Variants in CORO2A observed in about 807,000 individuals in gnomAD.
CORO2A encodes coronin-2A.
CORO2A carries 47 observed loss-of-function variants against 62.4 expected under a neutral mutation model. The observed-to-expected ratio is 0.75, with a 90% CI of 0.60 to 0.96. The LOEUF (loss-of-function observed/expected upper bound fraction) is 0.96. Ranked by LOEUF, CORO2A falls within the 40% of genes least tolerant of loss-of-function variation. The pLI is 0.00. For synonymous variants in CORO2A, 273 were observed against 268.9 expected, an observed-to-expected ratio of 1.02 and a Z score of -0.15; for missense variants, 610 against 684.1, an observed-to-expected ratio of 0.89 and a Z score of 1.21.
At chr9:98,150,124 G>C (rs557992183) in intron 2 of CORO2A, among the ~76,000 whole-genome samples, 101 of 152,082 alleles carry the variant, frequency 6.6e-4, no homozygotes, top group African/African-American at 2.2e-3. Context: ...GTAGAGACAG[G>C]GTTTCACCAT....
In CORO2A at chr9:98,133,161, C is replaced by T. The variant is rs735111; in HGVS notation, c.525G>A (p.Thr175=). 0.11 allele frequency: 173,644 copies of T among 1,614,114 alleles called. 10,175 individuals are homozygous for T. The highest frequency in any genetic ancestry group is 0.12 in the Non-Finnish European group (139,996 of 1,179,954). The change falls in exon 5 of 12, where the codon ACG becomes ACA. Residue 175 remains threonine, a synonymous_variant. Transcript: ENST00000375077. ...GGATCACATCTTGGTGACAGCTAATCGTACTCATGGGGCTTGTGATGACAG... is the reference window on the plus strand; with the variant it reads ...GGATCACATCTTGGTGACAGCTAATTGTACTCATGGGGCTTGTGATGACAG... ...KESVITSPMS[T]ISCHQDVILS...
chr9:98,181,822 T>C (rs1001818004), intron 1 of CORO2A, among the ~76,000 whole-genome samples: 1 of 152,116 alleles, frequency 6.6e-6, no homozygotes, highest in Non-Finnish European at 1.5e-5. Flanking sequence ...CCTCACATCA[T>C]GTTTTCATCT....
At chr9:98,140,058 T>A (rs1587996278) in intron 2 of CORO2A, among the ~76,000 whole-genome samples, 2 of 152,150 alleles carry the variant, frequency 1.3e-5, no homozygotes, top group South Asian at 4.2e-4. Flanking sequence ...ATCTGCTCAT[T>A]TTGCACATCA....
At chr9:98,189,360 T>C (rs1045883961) in intron 1 of CORO2A, among the ~76,000 whole-genome samples, 2 of 152,228 alleles carry the variant, frequency 1.3e-5, no homozygotes, top group African/African-American at 4.8e-5. Context: ...AAGATTCTGC[T>C]GAATTATTTT....
chr9:98,157,075 C>T (rs1024484636), intron 2 of CORO2A, among the ~76,000 whole-genome samples: 1 of 152,172 alleles, frequency 6.6e-6, no homozygotes, highest in Non-Finnish European at 1.5e-5. Flanking sequence ...TTACTGTTTG[C>T]CTCTCCTAGC....
Position 98,123,954 on chromosome 9 carries a change from C to T in CORO2A, c.*820G>A, listed in dbSNP as rs112090093. On this transcript the variant is annotated 3_prime_UTR_variant, in exon 12 of 12. Coordinates refer to ENST00000375077, the MANE Select transcript of CORO2A (RefSeq NM_052820.4). Reference sequence around the variant, plus strand: ...ATAGGCGTGAACCACCACGCCCTGCCTAATTTTTGTATTTTTAGTAGAGAC... The same window carrying T: ...ATAGGCGTGAACCACCACGCCCTGCTTAATTTTTGTATTTTTAGTAGAGAC... 12 of 149,892 alleles carry T rather than the reference C, an allele frequency of 8.0e-5. No homozygotes were observed. Among genetic ancestry groups the T allele is most frequent in the African/African-American group, 2.9e-4 (12 of 40,770 alleles). The allele number at this position is 149,892 out of a possible 1,614,324, so 9.3% of individuals were successfully genotyped here.
intron 4 of CORO2A, among the ~76,000 whole-genome samples, chr9:98,133,666 C>A (rs1827442784): frequency 6.6e-6 from 1 of 152,194 alleles, no homozygotes; most frequent in Non-Finnish European, 1.5e-5. Flanking sequence ...AGCACAAATA[C>A]ACGCAGCAGC....
chr9:98,177,604 T>C (rs1366141724), intron 1 of CORO2A, among the ~76,000 whole-genome samples: 1 of 151,650 alleles, frequency 6.6e-6, no homozygotes, highest in Non-Finnish European at 1.5e-5. Context: ...GAAACTGGGA[T>C]TACAGGCATG....
At chr9:98,179,096 C>A (rs569104442) in intron 1 of CORO2A, among the ~76,000 whole-genome samples, 1 of 152,306 alleles carries the variant, frequency 6.6e-6, no homozygotes, top group South Asian at 2.1e-4. Context: ...CACTCTGAAG[C>A]CTCAGTTTCC....
chr9:98,124,612 G>T lies in CORO2A; in HGVS notation c.*162C>A. The T allele has an allele frequency of 1.5e-6, 1 of 677,976 alleles. No homozygotes were observed. The highest frequency in any genetic ancestry group is 4.2e-5 in the South Asian group (1 of 23,892). 42.0% of individuals were successfully genotyped at this position (677,976 alleles called of 1,614,324 possible). A position where few individuals can be genotyped will look rare whatever the true frequency, so the allele number is the denominator to read the frequency against. ...TTGCAAGAAGGCAAACAGAAAAACG[G>T]CACCATGTCCCACTGGAATCTCTTT... On this transcript the variant is annotated 3_prime_UTR_variant, in exon 12 of 12. Transcript: ENST00000375077.
chr9:98,141,123 C>CAAA (rs368169601), intron 2 of CORO2A, among the ~76,000 whole-genome samples: 1 of 149,308 alleles, frequency 6.7e-6, no homozygotes, highest in Non-Finnish European at 1.5e-5. Flanking sequence ...GAAAGAGAAC[C>CAAA]AAAAAAAAAG....
At chr9:98,184,459 C>T (rs1828213664) in intron 1 of CORO2A, among the ~76,000 whole-genome samples, 1 of 152,150 alleles carries the variant, frequency 6.6e-6, no homozygotes, top group African/African-American at 2.4e-5. Context: ...ATTCTTTTCT[C>T]ATATCCAAAC....
chr9:98,128,365 TGAG>T, intron 9 of CORO2A, 105 bp from the exon 10 acceptor site: 1 of 919,196 alleles, frequency 1.1e-6, no homozygotes, highest in South Asian at 1.6e-5. Context: ...CCTGCTGAAT[TGAG>T]GAAACTGAGG....
intron 1 of CORO2A, among the ~76,000 whole-genome samples, chr9:98,171,084 C>T (rs940208400): frequency 5.9e-5 from 9 of 152,306 alleles, no homozygotes; most frequent in Non-Finnish European, 8.8e-5. Flanking sequence ...GAGTTTCGAG[C>T]GACAAGGATC....
intron 2 of CORO2A, among the ~76,000 whole-genome samples, chr9:98,141,087 T>C (rs1201926286): frequency 6.6e-6 from 1 of 151,952 alleles, no homozygotes; most frequent in African/African-American, 2.4e-5. Flanking sequence ...CAAAAAATTA[T>C]ACACACACCT....
intron 2 of CORO2A, among the ~76,000 whole-genome samples, chr9:98,150,659 G>A (rs551572811): frequency 2.0e-5 from 3 of 152,310 alleles, no homozygotes; most frequent in African/African-American, 7.2e-5. Flanking sequence ...GTTAGAAACA[G>A]TGACAGTTCT....
intron 1 of CORO2A, among the ~76,000 whole-genome samples, chr9:98,163,106 T>A (rs1466625424): frequency 6.6e-6 from 1 of 152,246 alleles, no homozygotes; most frequent in Non-Finnish European, 1.5e-5. Flanking sequence ...CCTGATGCCA[T>A]GGGATTAGGC....
At chr9:98,187,912 A>T (rs996158381) in intron 1 of CORO2A, among the ~76,000 whole-genome samples, 6 of 152,226 alleles carry the variant, frequency 3.9e-5, no homozygotes, top group Non-Finnish European at 7.3e-5. Flanking sequence ...CATGAGACAC[A>T]GTTTCAATAA....
intron 1 of CORO2A, among the ~76,000 whole-genome samples, chr9:98,161,232 G>A (rs1175331217): frequency 1.3e-5 from 2 of 152,074 alleles, no homozygotes; most frequent in African/African-American, 2.4e-5. Context: ...CGGACTCTGA[G>A]GGCAGTGGGG....
Sources: gnomAD v4.1 joint callset for allele counts (sites outside exome capture counted in the v4.1 genomes callset) on GRCh38, gnomAD v4.1.1 for gene constraint, MANE v1.5 for transcripts, NCBI Gene and HGNC (gene_info 2026-07-23, HGNC 2026-07-21) for gene names.